The following TMEM132D variants were observed in gnomAD, a reference collection of about 807,000 sequenced individuals.
TMEM132D encodes transmembrane protein 132D, also known as mature OL transmembrane protein.
Under a neutral mutation model 62.3 loss-of-function variants are expected in TMEM132D, and 21 were observed. The observed-to-expected ratio is 0.34, with a 90% CI of 0.24 to 0.49. The LOEUF (loss-of-function observed/expected upper bound fraction) is 0.49. Ranked by LOEUF, TMEM132D falls within the 20% of genes least tolerant of loss-of-function variation. TMEM132D has a pLI of 0.99. For missense variants in TMEM132D, 1,346 were observed against 1,402.8 expected, an observed-to-expected ratio of 0.96 and a Z score of 0.65; for synonymous variants, 621 against 575.6, an observed-to-expected ratio of 1.08 and a Z score of -1.13.
chr12:129,324,782 C>G (rs1042214340), intron 4 of TMEM132D, among the ~76,000 whole-genome samples: 1 of 151,998 alleles, frequency 6.6e-6, no homozygotes, highest in Non-Finnish European at 1.5e-5. Context: ...GAGCCGAGAT[C>G]GTGCCACTGC....
At chr12:129,315,548 G>A (rs1331813069) in intron 4 of TMEM132D, among the ~76,000 whole-genome samples, 1 of 152,142 alleles carries the variant, frequency 6.6e-6, no homozygotes, top group East Asian at 1.9e-4. Flanking sequence ...CGGTTAACTA[G>A]TATTTTGTTA....
intron 5 of TMEM132D, among the ~76,000 whole-genome samples, chr12:129,161,098 T>C (rs1877388025): frequency 6.6e-6 from 1 of 152,228 alleles, no homozygotes; most frequent in African/African-American, 2.4e-5. Flanking sequence ...ATTATTTAAA[T>C]ATCTCTATCT....
At chr12:129,367,627 A>G (rs1049952850) in intron 3 of TMEM132D, among the ~76,000 whole-genome samples, 21 of 152,136 alleles carry the variant, frequency 1.4e-4, no homozygotes, top group African/African-American at 5.1e-4. Flanking sequence ...TCCGCGGCCA[A>G]GAGGATGAGT....
chr12:129,162,548 G>A (rs937290448), intron 5 of TMEM132D, among the ~76,000 whole-genome samples: 2 of 152,156 alleles, frequency 1.3e-5, no homozygotes, highest in African/African-American at 4.8e-5. Flanking sequence ...GTGATCCCCA[G>A]TGTTGGAGTT....
At chr12:129,280,070 A>G (rs1881102104) in intron 4 of TMEM132D, among the ~76,000 whole-genome samples, 1 of 152,190 alleles carries the variant, frequency 6.6e-6, no homozygotes, top group Non-Finnish European at 1.5e-5. Flanking sequence ...TAATTGAATC[A>G]CTCATTTCAC....
intron 5 of TMEM132D, among the ~76,000 whole-genome samples, chr12:129,119,380 C>T (rs1875991608): frequency 6.6e-6 from 1 of 152,154 alleles, no homozygotes; most frequent in Admixed American, 6.5e-5. Flanking sequence ...ACCTGGGTGT[C>T]CACCAGTGAA....
intron 3 of TMEM132D, among the ~76,000 whole-genome samples, chr12:129,400,364 A>G (rs1037983897): frequency 6.6e-6 from 1 of 152,208 alleles, no homozygotes; most frequent in African/African-American, 2.4e-5. Flanking sequence ...CAAGCTTGTC[A>G]AACCCAGCTA....
intron 4 of TMEM132D, among the ~76,000 whole-genome samples, chr12:129,279,464 A>C (rs1017917161): frequency 1.4e-4 from 22 of 152,242 alleles, no homozygotes; most frequent in African/African-American, 5.3e-4. Context: ...GTAGCAAGCC[A>C]CATTTTACAT....
chr12:129,183,007 T>TC (rs2135552062), intron 5 of TMEM132D, among the ~76,000 whole-genome samples: 1 of 152,002 alleles, frequency 6.6e-6, no homozygotes, highest in South Asian at 2.1e-4. Context: ...TCTCTCTCTT[T>TC]GGGGCTAAAT....
chr12:129,685,928 A>G (rs148921439), intron 2 of TMEM132D, among the ~76,000 whole-genome samples: 21 of 152,316 alleles, frequency 1.4e-4, no homozygotes, highest in African/African-American at 5.1e-4. Context: ...TAGGGCCTGT[A>G]GCTCCTTTGT....
intron 3 of TMEM132D, among the ~76,000 whole-genome samples, chr12:129,354,556 T>C (rs1173204618): frequency 6.6e-6 from 1 of 152,082 alleles, no homozygotes; most frequent in Non-Finnish European, 1.5e-5. Context: ...ACTCCTGACT[T>C]TGTGATCTGC....
intron 2 of TMEM132D, among the ~76,000 whole-genome samples, chr12:129,566,308 C>T (rs1023956845): frequency 5.9e-5 from 9 of 152,154 alleles, no homozygotes; most frequent in South Asian, 4.1e-4. Context: ...ACTGTGATTT[C>T]GAAAGCATCT....
At chr12:129,601,430 T>G (rs2137142887) in intron 2 of TMEM132D, among the ~76,000 whole-genome samples, 1 of 152,354 alleles carries the variant, frequency 6.6e-6, no homozygotes, top group African/African-American at 2.4e-5. Flanking sequence ...CAGTTTTAAC[T>G]TCCTCCAAGA....
At chr12:129,159,390 G>A (rs1349724428) in intron 5 of TMEM132D, among the ~76,000 whole-genome samples, 1 of 152,060 alleles carries the variant, frequency 6.6e-6, no homozygotes, top group Non-Finnish European at 1.5e-5. Flanking sequence ...CCTTTAACAC[G>A]GAGGAAATGT....
intron 1 of TMEM132D, among the ~76,000 whole-genome samples, chr12:129,780,746 C>T (rs1246935594): frequency 6.6e-6 from 1 of 152,142 alleles, no homozygotes; most frequent in Non-Finnish European, 1.5e-5. Flanking sequence ...CTGAAAAGGA[C>T]CTCAGGGCCA....
chr12:129,319,478 G>C (rs894250372), intron 4 of TMEM132D, among the ~76,000 whole-genome samples: 19 of 152,212 alleles, frequency 1.2e-4, no homozygotes, highest in Non-Finnish European at 2.6e-4. Context: ...TGCAGGAGCA[G>C]TCCGCTTCCT....
chr12:129,480,988 TG>T (rs1874412453), intron 3 of TMEM132D, among the ~76,000 whole-genome samples: 1 of 152,024 alleles, frequency 6.6e-6, no homozygotes. Context: ...ATGAACACTA[TG>T]GGATACTACG....
intron 5 of TMEM132D, among the ~76,000 whole-genome samples, chr12:129,106,274 GC>G (rs1875494784): frequency 7.7e-6 from 1 of 129,790 alleles, no homozygotes; most frequent in East Asian, 2.5e-4. Context: ...TTGTGGGAGG[GC>G]GGAGGGGGGA....
chr12:129,562,983 T>C (rs1344473460), intron 2 of TMEM132D, among the ~76,000 whole-genome samples: 4 of 152,210 alleles, frequency 2.6e-5, no homozygotes, highest in South Asian at 2.1e-4. Flanking sequence ...GTAATTGATA[T>C]AAGCAAGGCC....
Sources: allele counts gnomAD v4.1 joint callset (sites outside exome capture counted in the v4.1 genomes callset), GRCh38; gene constraint gnomAD v4.1.1; transcripts MANE v1.5; gene names NCBI Gene and HGNC (gene_info 2026-07-23, HGNC 2026-07-21).